The following EYS variants were observed in gnomAD, a reference collection of about 807,000 sequenced individuals.
The protein encoded by EYS is protein eyes shut homolog.
In EYS, 250 loss-of-function variants were observed where a neutral mutation model predicts 282.1. That is an observed-to-expected ratio of 0.89 (90% CI 0.80 to 0.98). The LOEUF is 0.98. EYS is among the 50% of genes least tolerant of loss of function. The pLI is 0.00. For missense variants in EYS, 4,016 were observed against 3,709.0 expected, an observed-to-expected ratio of 1.08 and a Z score of -2.15; for synonymous variants, 1,355 against 1,282.9, an observed-to-expected ratio of 1.06 and a Z score of -1.20.
intron 24 of EYS, among the ~76,000 whole-genome samples, chr6:64,594,633 T>C (rs1054950955): frequency 7.2e-6 from 1 of 139,332 alleles, no homozygotes; most frequent in Non-Finnish European, 1.5e-5. Context: ...CAGGTGGGAA[T>C]TGAACGATGA....
At chr6:65,251,546 C>A (rs1429788624) in intron 12 of EYS, among the ~76,000 whole-genome samples, 3 of 151,832 alleles carry the variant, frequency 2.0e-5, no homozygotes, top group African/African-American at 7.3e-5. Flanking sequence ...AATATACCAA[C>A]TCTGATTCCA....
intron 35 of EYS, among the ~76,000 whole-genome samples, chr6:63,916,763 G>T (rs762389604): frequency 4.6e-5 from 7 of 152,162 alleles, no homozygotes; most frequent in African/African-American, 1.4e-4. Flanking sequence ...TGTTATGTCC[G>T]ATTTGCTGTT....
intron 5 of EYS, among the ~76,000 whole-genome samples, chr6:65,486,742 T>A (rs1360757098): frequency 2.6e-5 from 4 of 152,200 alleles, no homozygotes; most frequent in Non-Finnish European, 5.9e-5. Context: ...CTTTGCAGTA[T>A]CTAAATTTAG....
At chr6:65,075,546 C>A (rs1054863567) in intron 12 of EYS, among the ~76,000 whole-genome samples, 10 of 151,842 alleles carry the variant, frequency 6.6e-5, no homozygotes, top group African/African-American at 1.9e-4. Context: ...TGAGGAAGTT[C>A]GGGTTAAAGT....
chr6:63,858,167 C>G (rs2149706815), intron 36 of EYS, among the ~76,000 whole-genome samples: 1 of 152,184 alleles, frequency 6.6e-6, no homozygotes, highest in South Asian at 2.1e-4. Flanking sequence ...GACAATTTTC[C>G]TGGTATCAAT....
rs1379159586 is a variant in EYS at position 63,898,570 on chromosome 6, C to A, written c.7056-34212G>T. Among the ~76,000 whole-genome samples, 3 of 151,836 alleles carry A rather than the reference C, an allele frequency of 2.0e-5. No homozygotes were observed. In the East Asian group the frequency reaches 5.8e-4, roughly 29 times the overall value. On this transcript the variant is annotated intron_variant, in intron 35 of 42. Transcript: ENST00000503581. ...AATTTTAAAAATCAGGGATAATATT[C>A]TTTTAAAGATATAATTTTTAAACAA...
chr6:64,829,983 C>G (rs911907681), intron 19 of EYS, among the ~76,000 whole-genome samples: 2 of 151,950 alleles, frequency 1.3e-5, no homozygotes, highest in African/African-American at 4.8e-5. Flanking sequence ...AAGAAACTAT[C>G]AGTCAAGGAA....
chr6:64,981,251 C>A (rs1000903883), intron 14 of EYS, among the ~76,000 whole-genome samples: 1 of 151,300 alleles, frequency 6.6e-6, no homozygotes, highest in Admixed American at 6.6e-5. Context: ...AATTAGAATG[C>A]AAGGTAATAG....
intron 19 of EYS, among the ~76,000 whole-genome samples, chr6:64,842,506 G>C (rs907734460): frequency 1.3e-5 from 2 of 151,986 alleles, no homozygotes; most frequent in African/African-American, 4.8e-5. Flanking sequence ...AATTTGGAGA[G>C]CTCAGGAGAA....
At chr6:63,977,136 A>G (rs1489300478) in intron 35 of EYS, among the ~76,000 whole-genome samples, 1 of 151,788 alleles carries the variant, frequency 6.6e-6, no homozygotes, top group Non-Finnish European at 1.5e-5. Context: ...ATTACTGTAC[A>G]TATGCAGTAA....
intron 28 of EYS, among the ~76,000 whole-genome samples, chr6:64,427,925 A>G (rs941916064): frequency 1.3e-5 from 2 of 152,136 alleles, no homozygotes; most frequent in Non-Finnish European, 2.9e-5. Context: ...GTTTCTCAAA[A>G]GTGAGTTTAC....
chr6:65,562,500 G>A (rs1769104949), intron 2 of EYS, among the ~76,000 whole-genome samples: 1 of 151,946 alleles, frequency 6.6e-6, no homozygotes, highest in Admixed American at 6.6e-5. Context: ...AAAAACCCCT[G>A]AAATATTAGA....
intron 2 of EYS, among the ~76,000 whole-genome samples, chr6:65,572,773 C>T (rs1310958717): frequency 2.0e-5 from 3 of 152,020 alleles, no homozygotes; most frequent in Non-Finnish European, 4.4e-5. Flanking sequence ...CTAAGCGAAA[C>T]ATTAATATAT....
At chr6:64,432,759 G>A (rs1045699551) in intron 28 of EYS, among the ~76,000 whole-genome samples, 2 of 151,858 alleles carry the variant, frequency 1.3e-5, no homozygotes, top group African/African-American at 4.8e-5. Flanking sequence ...CTACCTGGTG[G>A]TGTTCAATAG....
At chr6:64,481,065 G>C (rs562808531) in intron 26 of EYS, among the ~76,000 whole-genome samples, 1 of 151,218 alleles carries the variant, frequency 6.6e-6, no homozygotes, top group African/African-American at 2.4e-5. Flanking sequence ...CAGGTGAACA[G>C]TTTTCCTTAA....
chr6:64,668,693 T>G (rs1769326550), intron 22 of EYS, among the ~76,000 whole-genome samples: 1 of 151,520 alleles, frequency 6.6e-6, no homozygotes, highest in African/African-American at 2.4e-5. Flanking sequence ...GCCTCCCAAG[T>G]AGCTGGGACT....
At chr6:64,592,973 T>A in intron 25 of EYS, 144 bp downstream of exon 25, 1 of 546,064 alleles carries the variant, frequency 1.8e-6, no homozygotes. Context: ...AAAACAGGAG[T>A]CATAACCAAT....
chr6:65,464,708 A>G (rs1204132146), intron 5 of EYS, among the ~76,000 whole-genome samples: 1 of 152,140 alleles, frequency 6.6e-6, no homozygotes, highest in Non-Finnish European at 1.5e-5. Context: ...GTGAGCATAC[A>G]GGAGAGAGTC....
chr6:64,680,703 C>T (rs1181753443), intron 22 of EYS, among the ~76,000 whole-genome samples: 1 of 152,126 alleles, frequency 6.6e-6, no homozygotes, highest in Non-Finnish European at 1.5e-5. Context: ...TTTCAGCAGG[C>T]CAAGAATATG....
Sources: allele counts gnomAD v4.1 joint callset (sites outside exome capture counted in the v4.1 genomes callset), GRCh38; gene constraint gnomAD v4.1.1; transcripts MANE v1.5; gene names NCBI Gene and HGNC (gene_info 2026-07-23, HGNC 2026-07-21).